The following DGKB variants were observed in gnomAD, a reference collection of about 807,000 sequenced individuals.
DGKB encodes the protein 90 kDa diacylglycerol kinase.
A neutral mutation model predicts 114.3 loss-of-function variants in DGKB; 67 were observed. The observed-to-expected ratio is 0.59, with a 90% CI of 0.48 to 0.72. The LOEUF (loss-of-function observed/expected upper bound fraction) is 0.72. Ranked by LOEUF, DGKB falls within the 30% of genes least tolerant of loss-of-function variation. The pLI is 0.00. For synonymous variants in DGKB, 398 were observed against 323.1 expected (o/e 1.23, Z -2.49); for missense variants, 907 against 975.2 (o/e 0.93, Z 0.93).
chr7:14,594,816 CTT>C (rs1285860090), intron 17 of DGKB, among the ~76,000 whole-genome samples: 1 of 152,020 alleles, frequency 6.6e-6, no homozygotes, highest in African/African-American at 2.4e-5. Flanking sequence ...GGAAAAAAGA[CTT>C]TGCTTAGGGT....
At chr7:14,783,385 A>T in intron 2 of DGKB, among the ~76,000 whole-genome samples, 1 of 152,238 alleles carries the variant, frequency 6.6e-6, no homozygotes, top group African/African-American at 2.4e-5. Flanking sequence ...ATTACTGATC[A>T]CAAGATATTT....
chr7:14,901,370 T>A (rs1783026324), intron 1 of DGKB, among the ~76,000 whole-genome samples: 1 of 152,226 alleles, frequency 6.6e-6, no homozygotes, highest in Admixed American at 6.5e-5. Flanking sequence ...GATTTCAGAA[T>A]TACTTTGTTT....
intron 2 of DGKB, among the ~76,000 whole-genome samples, chr7:14,836,703 G>T (rs755015833): frequency 2.0e-5 from 3 of 152,218 alleles, no homozygotes; most frequent in Non-Finnish European, 4.4e-5. Flanking sequence ...CAAGGGAAAT[G>T]CTTCCCATGG....
intron 1 of DGKB, among the ~76,000 whole-genome samples, chr7:14,894,501 C>G (rs1781797437): frequency 6.6e-6 from 1 of 151,434 alleles, no homozygotes; most frequent in African/African-American, 2.4e-5. Flanking sequence ...TACATCAAAT[C>G]TAACATATTC....
intron 23 of DGKB, among the ~76,000 whole-genome samples, chr7:14,183,225 G>T (rs1341814516): frequency 6.6e-6 from 1 of 152,164 alleles, no homozygotes; most frequent in Non-Finnish European, 1.5e-5. Context: ...AGGAACATAT[G>T]AAATCCATTC....
chr7:14,535,052 T>G (rs2128603194), intron 20 of DGKB, among the ~76,000 whole-genome samples: 1 of 152,110 alleles, frequency 6.6e-6, no homozygotes, highest in Non-Finnish European at 1.5e-5. Flanking sequence ...AGAGGGAAGT[T>G]TATGGCAATA....
chr7:14,772,447 A>G (rs1305808822), intron 2 of DGKB, among the ~76,000 whole-genome samples: 2 of 152,164 alleles, frequency 1.3e-5, no homozygotes, highest in African/African-American at 4.8e-5. Context: ...GGTGTGGAGG[A>G]CTGTCTTACC....
At chr7:14,629,427 G>C (rs1293292914) in intron 14 of DGKB, among the ~76,000 whole-genome samples, 2 of 151,866 alleles carry the variant, frequency 1.3e-5, no homozygotes, top group Admixed American at 1.3e-4. Context: ...TTTTGGTGGG[G>C]AGAAAAGAGC....
At chr7:14,865,979 C>G (rs1428613988) in intron 1 of DGKB, among the ~76,000 whole-genome samples, 1 of 151,948 alleles carries the variant, frequency 6.6e-6, no homozygotes, top group Non-Finnish European at 1.5e-5. Flanking sequence ...ACCAAAGACA[C>G]AGAGATGAAT....
At chr7:14,529,105 G>A (rs370268169) in intron 20 of DGKB, among the ~76,000 whole-genome samples, 2 of 151,806 alleles carry the variant, frequency 1.3e-5, no homozygotes, top group East Asian at 3.9e-4. Context: ...ATATGGGTAA[G>A]TATTTACAAT....
intron 1 of DGKB, among the ~76,000 whole-genome samples, chr7:14,945,749 A>G (rs1156614518): frequency 1.3e-5 from 2 of 151,786 alleles, no homozygotes; most frequent in African/African-American, 4.8e-5. Flanking sequence ...ACAAGGTAGA[A>G]TCAAACATCA....
intron 1 of DGKB, among the ~76,000 whole-genome samples, chr7:14,919,062 G>GCGCACACACACACACACA (rs1213217913): frequency 1.7e-5 from 2 of 118,064 alleles, no homozygotes; most frequent in Non-Finnish European, 3.5e-5. Flanking sequence ...TCCACCACAC[G>GCGCACACACACACACACA]CACACACACA....
chr7:14,931,858 G>A (rs182609366), intron 1 of DGKB, among the ~76,000 whole-genome samples: 50 of 152,088 alleles, frequency 3.3e-4, no homozygotes, highest in Non-Finnish European at 6.2e-4. Context: ...TCGGGGGGTG[G>A]GGATACCTGG....
intron 1 of DGKB, among the ~76,000 whole-genome samples, chr7:14,866,585 A>T (rs902089525): frequency 6.6e-6 from 1 of 152,160 alleles, no homozygotes; most frequent in Admixed American, 6.6e-5. Flanking sequence ...TTAGCACTGA[A>T]TAATATTCCA....
At chr7:14,379,399 GT>G (rs754264385) in intron 21 of DGKB, among the ~76,000 whole-genome samples, 8,892 of 139,366 alleles carry the variant, frequency 0.064, 416 homozygotes, top group African/African-American at 0.14. Context: ...AAATTATGGA[GT>G]TTTTTTTTTT....
chr7:14,217,337 T>G (rs937589872), intron 23 of DGKB, among the ~76,000 whole-genome samples: 1 of 152,184 alleles, frequency 6.6e-6, no homozygotes, highest in Non-Finnish European at 1.5e-5. Context: ...GGATTTTTGT[T>G]TGCTTCCTTG....
At chr7:14,167,545 T>C (rs1784788157) in intron 25 of DGKB, among the ~76,000 whole-genome samples, 1 of 152,092 alleles carries the variant, frequency 6.6e-6, no homozygotes, top group Non-Finnish European at 1.5e-5. Context: ...GAGAAAGCTA[T>C]CCTATGAAGT....
chr7:14,313,261 G>A (rs1462300844), intron 23 of DGKB, among the ~76,000 whole-genome samples: 2 of 152,194 alleles, frequency 1.3e-5, no homozygotes, highest in East Asian at 1.9e-4. Flanking sequence ...AACATATTGC[G>A]GGGAGGAGCC....
chr7:14,732,262 TAA>T (rs1378207849), intron 5 of DGKB, among the ~76,000 whole-genome samples: 1 of 152,000 alleles, frequency 6.6e-6, no homozygotes, highest in Non-Finnish European at 1.5e-5. Flanking sequence ...CTGTATAGAG[TAA>T]AAGACTACCT....
Sources: gnomAD v4.1 joint callset for allele counts (sites outside exome capture counted in the v4.1 genomes callset) on GRCh38, gnomAD v4.1.1 for gene constraint, MANE v1.5 for transcripts, NCBI Gene and HGNC (gene_info 2026-07-23, HGNC 2026-07-21) for gene names.